The following SIPA1L2 variants were observed in gnomAD, a reference collection of about 807,000 sequenced individuals.
SIPA1L2 encodes signal-induced proliferation-associated 1-like protein 2.
In SIPA1L2, 56 loss-of-function variants were observed where a neutral mutation model predicts 163.9. That is an observed-to-expected ratio of 0.34 (90% CI 0.28 to 0.43). The LOEUF (loss-of-function observed/expected upper bound fraction) is 0.43. Among genes scored for constraint, SIPA1L2 ranks in the 20% least tolerant of loss-of-function variants. SIPA1L2 has a pLI of 1.00. For synonymous variants in SIPA1L2, 877 were observed against 865.7 expected, an observed-to-expected ratio of 1.01 and a Z score of -0.23; for missense variants, 1,974 against 2,193.5, an observed-to-expected ratio of 0.90 and a Z score of 2.00.
intron 1 of SIPA1L2, among the ~76,000 whole-genome samples, chr1:232,594,040 C>T (rs10910564): frequency 0.16 from 24,771 of 152,062 alleles, 2,164 homozygotes; most frequent in Middle Eastern, 0.25. Flanking sequence ...AACCTGTCTC[C>T]GACAAGCCTG....
rs117307034 is a variant in SIPA1L2 at position 232,507,773 on chromosome 1, T to C, written c.1483+6084A>G. On this transcript the variant is annotated intron_variant, in intron 3 of 22. Coordinates refer to ENST00000674635, the MANE Select transcript of SIPA1L2 (RefSeq NM_020808.5). ...CTGGTAAATACCTGGCATCTCCTCA[T>C]GCATTCAGTGCAGATAACGATAATT... Among the ~76,000 whole-genome samples, 536 of 152,330 alleles carry C rather than the reference T, an allele frequency of 3.5e-3. 23 individuals carry two copies. The East Asian group carries it at 0.087, about 25-fold the overall frequency.
At chr1:232,404,057 C>T (rs1660501333) in intron 20 of SIPA1L2, 68 bp downstream of exon 20, 3 of 1,563,020 alleles carry the variant, frequency 1.9e-6, no homozygotes, top group Non-Finnish European at 1.8e-6. Flanking sequence ...TGCAGACGTG[C>T]AGACACATGA....
rs906403534 is a variant in SIPA1L2, at chr1:232,464,355, C to T, written c.2820+485G>A. On this transcript the variant is annotated intron_variant, in intron 9 of 22. Coordinates refer to ENST00000674635, the MANE Select transcript of SIPA1L2 (RefSeq NM_020808.5). ...ATTAATGTGTAATTCTGAAAAACTC[C>T]CTTAAGAAACTGTGGCTCTAAGATT... Among the ~76,000 whole-genome samples the T allele has an allele frequency of 4.6e-5, 7 of 152,048 alleles. 1 individual carries two copies.
chr1:232,479,703 TAG>T lies in SIPA1L2; in HGVS notation c.2007_2008del (p.Thr671HisfsTer34). ...GAGTTCGTAGTCTTTGTATGTGGTA[TAG>T]AGAGAGTGCGTGCCCGTGGAATCAG... On this transcript the variant is annotated frameshift_variant, in exon 7 of 23. Transcript: ENST00000674635. LOFTEE classifies it high-confidence loss of function. 6.2e-7 allele frequency: 1 copy of T among 1,613,654 alleles called. No homozygotes were observed. Among genetic ancestry groups the T allele is most frequent in the Non-Finnish European group, 8.5e-7 (1 of 1,179,720 alleles).
rs144525198 is a variant in SIPA1L2 at position 232,588,170 on chromosome 1, G to A, written c.-318-13948C>T. 1.9e-3 allele frequency among the ~76,000 whole-genome samples: 288 copies of A among 152,280 alleles called. 1 individual carries two copies. Among genetic ancestry groups the A allele is most frequent in the African/African-American group, 6.1e-3 (252 of 41,566 alleles). ...GTTGCAGCATATACTGGTGGCTGTC[G>A]CAAGGGTCAGCACCTGTGGGGTGGA... On this transcript the variant is annotated intron_variant, in intron 1 of 22. Coordinates refer to ENST00000674635, the MANE Select transcript of SIPA1L2 (RefSeq NM_020808.5).
At chr1:232,539,165 G>A (rs866347576) in intron 2 of SIPA1L2, among the ~76,000 whole-genome samples, 3 of 152,152 alleles carry the variant, frequency 2.0e-5, no homozygotes, top group Admixed American at 6.5e-5. Flanking sequence ...TACACAAACC[G>A]CTGCAGGTGA....
chr1:232,498,785 C>T lies in SIPA1L2; in HGVS notation c.1484-5125G>A, dbSNP rs886817667. Reference sequence around the variant, plus strand: ...TTGCATTTAGGTCCCAGCCAGGTCCCGCCTGGATAATCCAGGATATCTCCC... The same window carrying T: ...TTGCATTTAGGTCCCAGCCAGGTCCTGCCTGGATAATCCAGGATATCTCCC... On this transcript the variant is annotated intron_variant, in intron 3 of 22. Coordinates refer to ENST00000674635, the MANE Select transcript of SIPA1L2 (RefSeq NM_020808.5). Among the ~76,000 whole-genome samples, 7 of 152,150 alleles carry T rather than the reference C, an allele frequency of 4.6e-5. No homozygotes were observed. The East Asian group carries it at 5.8e-4, about 13-fold the overall frequency.
intron 3 of SIPA1L2, among the ~76,000 whole-genome samples, chr1:232,509,759 G>A (rs1573003505): frequency 6.6e-6 from 1 of 152,324 alleles, no homozygotes; most frequent in African/African-American, 2.4e-5. Context: ...AGCAAGAGCA[G>A]GAGCAGATGC....
chr1:232,592,238 C>T (rs573594694), intron 1 of SIPA1L2, among the ~76,000 whole-genome samples: 33 of 152,228 alleles, frequency 2.2e-4, no homozygotes, highest in Non-Finnish European at 3.4e-4. Context: ...AGACACTTAC[C>T]GTCAGAATTA....
At chr1:232,453,799 T>A (rs148711516) in intron 10 of SIPA1L2, among the ~76,000 whole-genome samples, 9 of 150,736 alleles carry the variant, frequency 6.0e-5, no homozygotes, top group African/African-American at 1.5e-4. Context: ...CAGCCTACAC[T>A]ATGTCATATT....
intron 3 of SIPA1L2, among the ~76,000 whole-genome samples, chr1:232,507,632 C>A (rs1666788654): frequency 2.0e-5 from 3 of 152,212 alleles, no homozygotes; most frequent in African/African-American, 7.2e-5. Flanking sequence ...GGTATTGCAT[C>A]TACAAGGGGA....
At chr1:232,590,942 T>C (rs1660926434) in intron 1 of SIPA1L2, among the ~76,000 whole-genome samples, 1 of 152,184 alleles carries the variant, frequency 6.6e-6, no homozygotes, top group Non-Finnish European at 1.5e-5. Flanking sequence ...TTCCTCAACA[T>C]AGTTTACAGC....
intron 2 of SIPA1L2, among the ~76,000 whole-genome samples, chr1:232,545,664 A>C (rs1370822614): frequency 6.6e-6 from 1 of 152,246 alleles, no homozygotes; most frequent in Non-Finnish European, 1.5e-5. Flanking sequence ...CTAGAGAAGG[A>C]AAACACTTTT....
At chr1:232,448,662 A>G (rs1479946014) in intron 10 of SIPA1L2, among the ~76,000 whole-genome samples, 1 of 152,214 alleles carries the variant, frequency 6.6e-6, no homozygotes, top group Non-Finnish European at 1.5e-5. Flanking sequence ...TGAGGGAAAA[A>G]TCAGTAGGAA....
intron 3 of SIPA1L2, among the ~76,000 whole-genome samples, chr1:232,508,503 G>T (rs1164228574): frequency 1.3e-5 from 2 of 152,214 alleles, no homozygotes; most frequent in African/African-American, 4.8e-5. Context: ...TGCCAAGCAG[G>T]TCCAGAAGGA....
intron 18 of SIPA1L2, among the ~76,000 whole-genome samples, chr1:232,421,121 G>C (rs1327961037): frequency 1.3e-5 from 2 of 152,190 alleles, no homozygotes; most frequent in Non-Finnish European, 2.9e-5. Flanking sequence ...GGAGGACACT[G>C]TCTGAAAGCA....
chr1:232,453,332 C>A (rs1663699125), intron 10 of SIPA1L2, among the ~76,000 whole-genome samples: 1 of 152,124 alleles, frequency 6.6e-6, no homozygotes, highest in Non-Finnish European at 1.5e-5. Flanking sequence ...AAAGAGAGGG[C>A]AGTTGACCAG....
chr1:232,617,087 A>T (rs1337329469), intron 1 of SIPA1L2, among the ~76,000 whole-genome samples: 3 of 152,274 alleles, frequency 2.0e-5, no homozygotes, highest in African/African-American at 7.2e-5. Flanking sequence ...TGAATTAATT[A>T]GAAATAATTC....
At position 232,570,108 on chromosome 1, in the gene SIPA1L2, C is replaced by T. The variant is rs552618629; in HGVS notation, c.-270+4066G>A. Among the ~76,000 whole-genome samples the T allele has an allele frequency of 1.8e-4, 27 of 152,236 alleles. No homozygotes were observed. The East Asian group carries it at 4.8e-3, about 27-fold the overall frequency. On this transcript the variant is annotated intron_variant, in intron 2 of 22. Coordinates refer to ENST00000674635, the MANE Select transcript of SIPA1L2 (RefSeq NM_020808.5). The stretch of plus-strand genomic sequence containing the variant: ...GAAGTCTGAAAGCTGAAACACAGAC[C>T]GCTGTAACACTACAGTGCCAGCTAT...
Sources: allele counts gnomAD v4.1 joint callset (sites outside exome capture counted in the v4.1 genomes callset), GRCh38; gene constraint gnomAD v4.1.1; transcripts MANE v1.5; gene names NCBI Gene and HGNC (gene_info 2026-07-23, HGNC 2026-07-21).